FUT8: variants seen among roughly 807,000 people sequenced by gnomAD.
FUT8 encodes alpha-(1,6)-fucosyltransferase.
A neutral mutation model predicts 71.3 loss-of-function variants in FUT8; 29 were observed. The observed-to-expected ratio is 0.41, with a 90% CI of 0.30 to 0.55. The LOEUF (loss-of-function observed/expected upper bound fraction) is 0.55. Among genes scored for constraint, FUT8 ranks in the 20% least tolerant of loss-of-function variants. The pLI is 0.34. For synonymous variants in FUT8, 254 were observed against 239.3 expected (o/e 1.06, Z -0.57); for missense variants, 544 against 702.1 (o/e 0.77, Z 2.55).
At chr14:65,377,015 T>A in the FUT8 span, among the ~76,000 whole-genome samples, 1 of 152,206 alleles carries the variant, frequency 6.6e-6, no homozygotes, top group Non-Finnish European at 1.5e-5. Flanking sequence ...TAGTAATAAA[T>A]TGTCAGTTAA....
intron 9 of FUT8, among the ~76,000 whole-genome samples, chr14:65,732,541 A>G (rs1200583304): frequency 6.6e-6 from 1 of 152,194 alleles, no homozygotes; most frequent in Non-Finnish European, 1.5e-5. Context: ...TTTTCAAAAG[A>G]CATCCTGTAT....
chr14:65,374,235 G>A, the FUT8 span, among the ~76,000 whole-genome samples: 1 of 152,180 alleles, frequency 6.6e-6, no homozygotes, highest in East Asian at 1.9e-4. Context: ...GTTTTTGTGA[G>A]AATAGAGATA....
At chr14:65,735,627 A>C (rs1306490498) in intron 10 of FUT8, among the ~76,000 whole-genome samples, 1 of 152,182 alleles carries the variant, frequency 6.6e-6, no homozygotes, top group Non-Finnish European at 1.5e-5. Flanking sequence ...GTTAGGATTC[A>C]CAATAAAAGT....
chr14:65,524,074 A>G (rs2139873903), intron 2 of FUT8, among the ~76,000 whole-genome samples: 1 of 152,282 alleles, frequency 6.6e-6, no homozygotes, highest in Admixed American at 6.5e-5. Context: ...TTGGTTCCAT[A>G]TGAACTTTAA....
chr14:65,560,137 C>A (rs1014800039), intron 2 of FUT8, among the ~76,000 whole-genome samples: 1 of 151,828 alleles, frequency 6.6e-6, no homozygotes. Context: ...AAATAGTGGC[C>A]CTGTGCTCTG....
intron 6 of FUT8, among the ~76,000 whole-genome samples, chr14:65,658,065 T>C (rs1891774025): frequency 6.6e-6 from 1 of 152,128 alleles, no homozygotes; most frequent in Admixed American, 6.6e-5. Context: ...GCAAATCACA[T>C]GTCCAACGAA....
At chr14:65,451,826 C>T (rs768664764) in intron 1 of FUT8, among the ~76,000 whole-genome samples, 10 of 152,182 alleles carry the variant, frequency 6.6e-5, no homozygotes, top group East Asian at 1.9e-4. Flanking sequence ...TCTCCAATAT[C>T]TAGCCATCGT....
intron 7 of FUT8, among the ~76,000 whole-genome samples, chr14:65,712,136 T>C (rs548191980): frequency 6.6e-6 from 1 of 152,352 alleles, no homozygotes; most frequent in Non-Finnish European, 1.5e-5. Flanking sequence ...TATCAAAAAT[T>C]TAACTTAGTA....
intron 2 of FUT8, among the ~76,000 whole-genome samples, chr14:65,543,473 G>A (rs994794235): frequency 6.6e-6 from 1 of 152,054 alleles, no homozygotes; most frequent in Non-Finnish European, 1.5e-5. Flanking sequence ...ATACCTTTTA[G>A]TATAGGAAAT....
intron 10 of FUT8, among the ~76,000 whole-genome samples, chr14:65,738,923 T>C (rs1773569664): frequency 6.6e-6 from 1 of 152,092 alleles, no homozygotes; most frequent in South Asian, 2.1e-4. Flanking sequence ...CAGATACTTA[T>C]TGAGCACGTA....
chr14:65,439,819 G>T (rs1244127755), intron 1 of FUT8, among the ~76,000 whole-genome samples: 2 of 151,564 alleles, frequency 1.3e-5, no homozygotes, highest in Non-Finnish European at 2.9e-5. Context: ...AGTTCTGCTC[G>T]TGGATCTCTT....
chr14:65,390,102 C>T, the FUT8 span, among the ~76,000 whole-genome samples: 1 of 151,140 alleles, frequency 6.6e-6, no homozygotes, highest in African/African-American at 2.4e-5. Context: ...CGATCACACA[C>T]ACCACTGCAC....
At chr14:65,694,673 G>T (rs1416457550) in intron 7 of FUT8, among the ~76,000 whole-genome samples, 1 of 151,994 alleles carries the variant, frequency 6.6e-6, no homozygotes, top group East Asian at 1.9e-4. Context: ...ACTGGATTAA[G>T]AAAATGTGGC....
intron 6 of FUT8, among the ~76,000 whole-genome samples, chr14:65,650,067 C>T (rs532508640): frequency 1.1e-4 from 16 of 152,100 alleles, no homozygotes; most frequent in African/African-American, 1.4e-4. Flanking sequence ...GAGGCCAAGG[C>T]GGGCGGATCA....
intron 3 of FUT8, among the ~76,000 whole-genome samples, chr14:65,585,025 G>C (rs970700338): frequency 1.8e-5 from 2 of 109,754 alleles, no homozygotes; most frequent in Admixed American, 1.0e-4. Flanking sequence ...TACATTTCTT[G>C]ATTAAACTAA....
chr14:65,439,953 T>TGTGTGTAC (rs1555360984), intron 1 of FUT8, among the ~76,000 whole-genome samples: 6 of 47,240 alleles, frequency 1.3e-4, no homozygotes, highest in Non-Finnish European at 2.6e-4. Flanking sequence ...TGTGTGTGTG[T>TGTGTGTAC]GTATATATAT....
chr14:65,680,800 A>G (rs1459695923), intron 7 of FUT8, among the ~76,000 whole-genome samples: 1 of 152,148 alleles, frequency 6.6e-6, no homozygotes, highest in East Asian at 1.9e-4. Context: ...ACCAAATATG[A>G]CTTTCTCTCC....
At chr14:65,527,470 C>CT (rs923618639) in intron 2 of FUT8, among the ~76,000 whole-genome samples, 5 of 152,134 alleles carry the variant, frequency 3.3e-5, no homozygotes, top group Admixed American at 1.3e-4. Flanking sequence ...TTCGTCTAAT[C>CT]TTTTTTCAAG....
chr14:65,561,810 T>C (rs527639924), intron 3 of FUT8, 44 bp downstream of exon 3: 251 of 1,537,164 alleles, frequency 1.6e-4, no homozygotes, highest in Non-Finnish European at 2.1e-4. Flanking sequence ...AATATTGTAC[T>C]TTGTTTTTAG....
Sources: gnomAD v4.1 joint callset for allele counts (sites outside exome capture counted in the v4.1 genomes callset) on GRCh38, gnomAD v4.1.1 for gene constraint, MANE v1.5 for transcripts, NCBI Gene and HGNC (gene_info 2026-07-23, HGNC 2026-07-21) for gene names.